Variants in INTS14 observed in about 807,000 individuals in gnomAD.
The protein encoded by INTS14 is integrator complex subunit 14.
Under a neutral mutation model 56.9 loss-of-function variants are expected in INTS14, and 27 were observed. The ratio of observed to expected loss-of-function variants is 0.47; its 90% confidence interval spans 0.35 to 0.65. INTS14 has a LOEUF of 0.65. Ranked by LOEUF, INTS14 falls within the 30% of genes least tolerant of loss-of-function variation. The pLI is 0.00. For missense variants in INTS14, 517 were observed against 632.2 expected (o/e 0.82, Z 1.95); for synonymous variants, 207 against 236.2 (o/e 0.88, Z 1.13).
At position 65,599,945 on chromosome 15, in the gene INTS14, G is replaced by A. The variant is rs751313406; in HGVS notation, c.331-16C>T. Reference sequence around the variant, plus strand: ...CCAGGACAACCTGTTTGTAAAAAGAGAGAGAGGAGGTTGTACATTAAATTA... The same window carrying A: ...CCAGGACAACCTGTTTGTAAAAAGAAAGAGAGGAGGTTGTACATTAAATTA... On this transcript the variant is annotated splice_polypyrimidine_tract_variant and intron_variant, in intron 3 of 11. Coordinates refer to ENST00000313182, the MANE Select transcript of INTS14 (RefSeq NM_001394796.1). The A allele has an allele frequency of 6.2e-7, 1 of 1,607,988 alleles. No individual in the cohort carries two copies. Among genetic ancestry groups the A allele is most frequent in the Non-Finnish European group, 8.5e-7 (1 of 1,177,200 alleles).
chr15:65,609,197 C>T (rs978946649), intron 1 of INTS14, among the ~76,000 whole-genome samples: 4 of 152,182 alleles, frequency 2.6e-5, no homozygotes, highest in African/African-American at 9.7e-5. Context: ...TCGTGATCCA[C>T]CTGCCTCTGC....
In INTS14 at chr15:65,579,391, A is replaced by C; in HGVS notation, c.*17T>G. 7.5e-6 allele frequency: 12 copies of C among 1,598,814 alleles called. No homozygotes were observed. The African/African-American group carries it at 1.1e-4, about 14-fold the overall frequency. On this transcript the variant is annotated 3_prime_UTR_variant, in exon 12 of 12. Transcript: ENST00000313182. ...TCAGTTGAAATGAAAAAAGAAGGAA[A>C]GCTCCAAAAGTCAGTTTCAAATTCT...
intron 9 of INTS14, among the ~76,000 whole-genome samples, chr15:65,590,746 C>G (rs988706950): frequency 6.6e-6 from 1 of 152,198 alleles, no homozygotes; most frequent in Non-Finnish European, 1.5e-5. Flanking sequence ...CTCCAGCTAA[C>G]TCTTTATCCC....
chr15:65,592,524 T>C (rs527353402), intron 8 of INTS14, among the ~76,000 whole-genome samples: 1 of 152,180 alleles, frequency 6.6e-6, no homozygotes, highest in East Asian at 1.9e-4. Flanking sequence ...GGCTCTGGAG[T>C]CAGAATGCAT....
intron 3 of INTS14, among the ~76,000 whole-genome samples, chr15:65,603,850 T>C (rs1393403411): frequency 5.3e-5 from 8 of 152,322 alleles, no homozygotes; most frequent in Admixed American, 2.6e-4. Flanking sequence ...CAGAGCTGAG[T>C]AGTTGCCACA....
At chr15:65,584,649 C>A in intron 10 of INTS14, 121 bp downstream of exon 10, 1 of 782,920 alleles carries the variant, frequency 1.3e-6, no homozygotes, top group Non-Finnish European at 2.0e-6. Context: ...GAAATAATGA[C>A]AAACATTAGA....
At chr15:65,602,931 AT>A (rs1188317839) in intron 3 of INTS14, among the ~76,000 whole-genome samples, 2 of 152,236 alleles carry the variant, frequency 1.3e-5, no homozygotes, top group Non-Finnish European at 2.9e-5. Context: ...GAAGAAAATC[AT>A]AAAAGTCAGA....
intron 10 of INTS14, among the ~76,000 whole-genome samples, chr15:65,583,137 A>G (rs2072688424): frequency 6.6e-6 from 1 of 152,192 alleles, no homozygotes; most frequent in African/African-American, 2.4e-5. Context: ...GCAATTCCTC[A>G]GTAAGTTAAA....
At chr15:65,602,667 GT>G (rs77504217) in intron 3 of INTS14, among the ~76,000 whole-genome samples, 206 of 142,974 alleles carry the variant, frequency 1.4e-3, no homozygotes, top group African/African-American at 1.8e-3. Context: ...CTACTACAAT[GT>G]TTTTTTTTTT....
intron 1 of INTS14, among the ~76,000 whole-genome samples, chr15:65,608,783 A>C (rs1035747078): frequency 2.6e-5 from 4 of 152,218 alleles, no homozygotes; most frequent in Non-Finnish European, 4.4e-5. Context: ...TTAGAAATTT[A>C]ATGTTCACAA....
At chr15:65,600,644 C>T (rs1305387833) in intron 3 of INTS14, among the ~76,000 whole-genome samples, 2 of 148,796 alleles carry the variant, frequency 1.3e-5, no homozygotes, top group Non-Finnish European at 3.0e-5. Context: ...AAACCCTCAA[C>T]CTGGCCCCGC....
intron 1 of INTS14, among the ~76,000 whole-genome samples, chr15:65,609,723 G>A (rs776798481): frequency 6.6e-6 from 1 of 152,232 alleles, no homozygotes; most frequent in Non-Finnish European, 1.5e-5. Context: ...TCCTGTGGTA[G>A]TCCCATTCAT....
At chr15:65,588,218 G>C (rs2072897451) in intron 9 of INTS14, among the ~76,000 whole-genome samples, 1 of 152,076 alleles carries the variant, frequency 6.6e-6, no homozygotes, top group Non-Finnish European at 1.5e-5. Flanking sequence ...GAATACAGGA[G>C]GCAGAGGTTG....
intron 3 of INTS14, among the ~76,000 whole-genome samples, chr15:65,600,300 CTCTG>C (rs778963078): frequency 1.3e-5 from 2 of 149,748 alleles, no homozygotes; most frequent in Non-Finnish European, 3.0e-5. Flanking sequence ...AACAGAGAGA[CTCTG>C]TCTTTTTAAA....
intron 9 of INTS14, among the ~76,000 whole-genome samples, chr15:65,587,849 G>T (rs192414271): frequency 8.5e-5 from 13 of 152,242 alleles, no homozygotes; most frequent in Non-Finnish European, 1.6e-4. Context: ...AGGCATGGTG[G>T]CATGCACCCG....
At chr15:65,598,810 T>C in intron 5 of INTS14, 62 bp downstream of exon 5, 1 of 1,287,828 alleles carries the variant, frequency 7.8e-7, no homozygotes, top group Non-Finnish European at 1.1e-6. Flanking sequence ...ATAGTCTTCC[T>C]GGATGTCAAA....
chr15:65,602,445 T>C (rs1417751685), intron 3 of INTS14, among the ~76,000 whole-genome samples: 3 of 151,798 alleles, frequency 2.0e-5, no homozygotes, highest in Non-Finnish European at 2.9e-5. Flanking sequence ...ACACCACACT[T>C]AGCTAATTTT....
chr15:65,583,766 G>A (rs1048424047), intron 10 of INTS14, among the ~76,000 whole-genome samples: 2 of 152,124 alleles, frequency 1.3e-5, no homozygotes, highest in Non-Finnish European at 2.9e-5. Context: ...TTTAAGAAAA[G>A]CTCAGCTATA....
chr15:65,597,514 G>C (rs1024476809), intron 6 of INTS14, among the ~76,000 whole-genome samples: 13 of 152,234 alleles, frequency 8.5e-5, no homozygotes, highest in African/African-American at 3.1e-4. Flanking sequence ...GCCAGTCTCA[G>C]TTAAGCATAG....
Sources: gnomAD v4.1 joint callset for allele counts (sites outside exome capture counted in the v4.1 genomes callset) on GRCh38, gnomAD v4.1.1 for gene constraint, MANE v1.5 for transcripts, NCBI Gene and HGNC (gene_info 2026-07-23, HGNC 2026-07-21) for gene names.